The following FER variants were observed in gnomAD, a reference collection of about 807,000 sequenced individuals.
The protein encoded by FER is FER tyrosine kinase.
FER carries 63 observed loss-of-function variants against 111.0 expected under a neutral mutation model. That is an observed-to-expected ratio of 0.57 (90% confidence interval 0.46 to 0.70). FER has a LOEUF of 0.70. Ranked by LOEUF, FER falls within the 30% of genes least tolerant of loss-of-function variation. FER has a pLI of 0.00. For missense variants in FER, 914 were observed against 954.0 expected, an observed-to-expected ratio of 0.96 and a Z score of 0.55; for synonymous variants, 327 against 313.9, an observed-to-expected ratio of 1.04 and a Z score of -0.44.
At chr5:108,796,657 G>A (rs754561699) in intron 2 of FER, among the ~76,000 whole-genome samples, 37 of 152,110 alleles carry the variant, frequency 2.4e-4, no homozygotes, top group African/African-American at 5.3e-4. Context: ...CACCACCACC[G>A]TAGGCCCACA....
At chr5:109,105,166 T>C (rs962259245) in intron 17 of FER, among the ~76,000 whole-genome samples, 13 of 152,008 alleles carry the variant, frequency 8.6e-5, no homozygotes, top group Admixed American at 5.2e-4. Context: ...TCCAGTGATT[T>C]CTAATAAGGA....
At chr5:109,141,890 C>T (rs1409983749) in intron 17 of FER, among the ~76,000 whole-genome samples, 1 of 152,202 alleles carries the variant, frequency 6.6e-6, no homozygotes, top group East Asian at 1.9e-4. Flanking sequence ...GGTTTCAGAA[C>T]AGTTTGCCTG....
chr5:108,945,759 C>T (rs936410117), intron 10 of FER, among the ~76,000 whole-genome samples: 1 of 151,862 alleles, frequency 6.6e-6, no homozygotes, highest in Non-Finnish European at 1.5e-5. Flanking sequence ...TAGTCCTATC[C>T]GAAATAGTCT....
chr5:108,831,350 A>G (rs991101844), intron 3 of FER, among the ~76,000 whole-genome samples: 5 of 151,870 alleles, frequency 3.3e-5, no homozygotes, highest in Non-Finnish European at 7.4e-5. Context: ...TAGATGAAAA[A>G]GGCAAAGCTA....
intron 3 of FER, among the ~76,000 whole-genome samples, chr5:108,828,560 A>C (rs1046640835): frequency 2.0e-5 from 3 of 152,098 alleles, no homozygotes; most frequent in African/African-American, 7.2e-5. Flanking sequence ...CCGTTTTGCA[A>C]ATTTTAACAG....
At chr5:108,955,738 T>C (rs1000399977) in intron 12 of FER, among the ~76,000 whole-genome samples, 11 of 151,808 alleles carry the variant, frequency 7.2e-5, no homozygotes, top group Non-Finnish European at 1.6e-4. Flanking sequence ...GTTGAGAGAC[T>C]AGGGTGATAC....
At chr5:108,970,499 C>T (rs564041255) in intron 13 of FER, among the ~76,000 whole-genome samples, 2 of 152,120 alleles carry the variant, frequency 1.3e-5, no homozygotes, top group Non-Finnish European at 2.9e-5. Context: ...GGATTACAGG[C>T]GTGAGCCACT....
chr5:109,051,775 A>G, intron 16 of FER: 4 of 1,583,346 alleles, frequency 2.5e-6, no homozygotes, highest in Non-Finnish European at 3.5e-6. Flanking sequence ...GAAAACGTAG[A>G]AGAGTTCAAT....
chr5:109,071,689 G>A (rs1250603452), intron 16 of FER, among the ~76,000 whole-genome samples: 1 of 151,724 alleles, frequency 6.6e-6, no homozygotes, highest in Non-Finnish European at 1.5e-5. Context: ...ATTCAAAAAA[G>A]TAGTATATGA....
At chr5:108,803,566 C>T (rs1351042854) in intron 3 of FER, among the ~76,000 whole-genome samples, 1 of 152,058 alleles carries the variant, frequency 6.6e-6, no homozygotes, top group African/African-American at 2.4e-5. Context: ...AGCCAGCTAT[C>T]CCAGCAGCAT....
chr5:108,959,880 A>ATCAC (rs1758921436), intron 13 of FER, among the ~76,000 whole-genome samples: 1 of 152,146 alleles, frequency 6.6e-6, no homozygotes, highest in Non-Finnish European at 1.5e-5. Flanking sequence ...TCTATGATCT[A>ATCAC]TCACAGAAAA....
At chr5:109,172,971 G>T (rs2126808901) in intron 17 of FER, among the ~76,000 whole-genome samples, 1 of 152,228 alleles carries the variant, frequency 6.6e-6, no homozygotes, top group African/African-American at 2.4e-5. Flanking sequence ...GGGTTTTTCA[G>T]GTAAATTTAA....
At chr5:109,057,832 C>T (rs1347952308) in intron 16 of FER, among the ~76,000 whole-genome samples, 1 of 152,240 alleles carries the variant, frequency 6.6e-6, no homozygotes, top group Middle Eastern at 3.4e-3. Context: ...CTATACAACC[C>T]ACTGAAAAAG....
chr5:108,860,690 G>A (rs1763429371), intron 5 of FER, among the ~76,000 whole-genome samples: 1 of 152,202 alleles, frequency 6.6e-6, no homozygotes, highest in Non-Finnish European at 1.5e-5. Context: ...GCCTAGGATA[G>A]CGAGTGTAGA....
chr5:108,816,143 G>C (rs536570783), intron 3 of FER, among the ~76,000 whole-genome samples: 1 of 151,782 alleles, frequency 6.6e-6, no homozygotes, highest in Non-Finnish European at 1.5e-5. Flanking sequence ...CCATGAGTTT[G>C]TTCCCACACA....
At chr5:109,109,122 C>T (rs1254227587) in intron 17 of FER, among the ~76,000 whole-genome samples, 1 of 152,038 alleles carries the variant, frequency 6.6e-6, no homozygotes, top group Non-Finnish European at 1.5e-5. Flanking sequence ...CTAAGACCAC[C>T]GATTTGAAAC....
intron 16 of FER, among the ~76,000 whole-genome samples, chr5:109,065,002 T>C (rs1391153820): frequency 1.3e-5 from 2 of 152,176 alleles, no homozygotes; most frequent in Non-Finnish European, 2.9e-5. Flanking sequence ...GCAGTCTACT[T>C]ATATTTGATG....
chr5:108,854,319 G>T (rs761569365), intron 5 of FER, among the ~76,000 whole-genome samples: 4 of 152,126 alleles, frequency 2.6e-5, no homozygotes, highest in Non-Finnish European at 5.9e-5. Flanking sequence ...CTTTTTGAGT[G>T]TACGACCATT....
At chr5:109,007,765 G>A (rs547565613) in intron 13 of FER, among the ~76,000 whole-genome samples, 2 of 152,190 alleles carry the variant, frequency 1.3e-5, no homozygotes, top group East Asian at 3.9e-4. Flanking sequence ...CATTTATCGA[G>A]TATATACTTA....
Sources: gnomAD v4.1 joint callset for allele counts (sites outside exome capture counted in the v4.1 genomes callset) on GRCh38, gnomAD v4.1.1 for gene constraint, MANE v1.5 for transcripts, NCBI Gene and HGNC (gene_info 2026-07-23, HGNC 2026-07-21) for gene names.